ADAMTS17: variants seen among roughly 807,000 people sequenced by gnomAD.
ADAMTS17 encodes A disintegrin and metalloproteinase with thrombospondin motifs 17.
In ADAMTS17, 113 loss-of-function variants were observed where a neutral mutation model predicts 141.5. The ratio of observed to expected loss-of-function variants is 0.80; its 90% confidence interval spans 0.69 to 0.93. The LOEUF (loss-of-function observed/expected upper bound fraction) is 0.93, where lower values mean the gene tolerates loss of function less well. Among genes scored for constraint, ADAMTS17 ranks in the 40% least tolerant of loss-of-function variants. ADAMTS17 has a pLI of 0.00. For synonymous variants in ADAMTS17, 768 were observed against 630.6 expected, an observed-to-expected ratio of 1.22 and a Z score of -3.27; for missense variants, 1,659 against 1,517.9, an observed-to-expected ratio of 1.09 and a Z score of -1.54.
chr15:100,181,816 C>T (rs2040535606), intron 8 of ADAMTS17, among the ~76,000 whole-genome samples: 1 of 152,236 alleles, frequency 6.6e-6, no homozygotes, highest in Non-Finnish European at 1.5e-5. Flanking sequence ...CCCTTAGCCA[C>T]CTCAGCTAGT....
At chr15:100,124,752 G>C (rs1479482365) in intron 12 of ADAMTS17, among the ~76,000 whole-genome samples, 3 of 150,776 alleles carry the variant, frequency 2.0e-5, no homozygotes. Context: ...GTAAGGTAGA[G>C]AGGCTTTGGT....
intron 17 of ADAMTS17, among the ~76,000 whole-genome samples, chr15:100,049,909 A>G (rs2032010162): frequency 6.6e-6 from 1 of 152,240 alleles, no homozygotes; most frequent in African/African-American, 2.4e-5. Context: ...GTGTCCATAG[A>G]ACAGAACCTG....
In ADAMTS17 at chr15:100,116,848, G is replaced by A. The variant is rs145594305; in HGVS notation, c.1887C>T (p.Asp629=). The change falls in exon 13 of 22, where the codon GAC becomes GAT. Residue 629 remains aspartate (D), a splice_region_variant and synonymous_variant. Transcript: ENST00000268070. ...KKGLLTAVVV[D]DKPCELYCSP... ...CAAGGACATGCCATATGCCTTTACCGTCAACCACCACGGCTGTCAGCAGGC... is the reference window on the plus strand; with the variant it reads ...CAAGGACATGCCATATGCCTTTACCATCAACCACCACGGCTGTCAGCAGGC... The A allele has an allele frequency of 4.6e-4, 750 of 1,614,114 alleles. No homozygotes were observed. The highest frequency in any genetic ancestry group is 1.3e-3 in the Middle Eastern group (8 of 6,006).
At chr15:100,001,035 C>T (rs934962622) in intron 18 of ADAMTS17, among the ~76,000 whole-genome samples, 6 of 152,048 alleles carry the variant, frequency 3.9e-5, no homozygotes, top group Non-Finnish European at 5.9e-5. Context: ...GGGCTATGGT[C>T]AAGAAAATAG....
intron 8 of ADAMTS17, among the ~76,000 whole-genome samples, chr15:100,169,840 G>C (rs551730843): frequency 6.6e-6 from 1 of 152,186 alleles, no homozygotes; most frequent in South Asian, 2.1e-4. Context: ...GCTTTGGGGA[G>C]AACAGGTGTT....
At chr15:100,087,103 T>A (rs1484821175) in intron 15 of ADAMTS17, among the ~76,000 whole-genome samples, 1 of 152,018 alleles carries the variant, frequency 6.6e-6, no homozygotes, top group East Asian at 1.9e-4. Context: ...GCAAGACTAA[T>A]AAAGAAGAAA....
intron 18 of ADAMTS17, among the ~76,000 whole-genome samples, chr15:100,001,958 C>T (rs1339887630): frequency 1.7e-5 from 1 of 57,174 alleles, no homozygotes; most frequent in African/African-American, 5.9e-5. Flanking sequence ...GCCTTGGGGA[C>T]AGAGCGAGAC....
intron 18 of ADAMTS17, among the ~76,000 whole-genome samples, chr15:100,040,263 A>G (rs909631285): frequency 6.6e-6 from 1 of 152,212 alleles, no homozygotes; most frequent in Admixed American, 6.5e-5. Context: ...ACAAGCTAGG[A>G]ACCCTTCCAC....
At chr15:100,265,323 A>G (rs8025563) in intron 4 of ADAMTS17, among the ~76,000 whole-genome samples, 2,566 of 152,180 alleles carry the variant, frequency 0.017, 65 homozygotes, top group African/African-American at 0.059. Flanking sequence ...TTTTTTTCCC[A>G]TGGAAACTCA....
chr15:100,155,047 C>G, intron 9 of ADAMTS17, 133 bp downstream of exon 9: 1 of 1,350,028 alleles, frequency 7.4e-7, no homozygotes, highest in East Asian at 2.4e-5. Context: ...CTGCGCTGAC[C>G]GCCTCCTGAG....
At chr15:100,310,428 C>T (rs117404139) in intron 3 of ADAMTS17, among the ~76,000 whole-genome samples, 1,731 of 152,286 alleles carry the variant, frequency 0.011, 19 homozygotes, top group South Asian at 0.022. Context: ...TGGCTCATTC[C>T]CTTCGCAGGG....
At chr15:100,165,894 GTTTT>G in intron 8 of ADAMTS17, among the ~76,000 whole-genome samples, 1 of 150,624 alleles carries the variant, frequency 6.6e-6, no homozygotes, top group South Asian at 2.1e-4. Flanking sequence ...TCTCTTTTTT[GTTTT>G]TTTTTCCAGA....
chr15:100,186,896 G>A (rs941116915), intron 8 of ADAMTS17, among the ~76,000 whole-genome samples: 1 of 152,208 alleles, frequency 6.6e-6, no homozygotes, highest in Non-Finnish European at 1.5e-5. Flanking sequence ...ATCGTAAGTT[G>A]AAATGTATGC....
chr15:100,157,302 C>T (rs2039481590), intron 8 of ADAMTS17, among the ~76,000 whole-genome samples: 3 of 152,108 alleles, frequency 2.0e-5, no homozygotes, highest in South Asian at 4.2e-4. Flanking sequence ...CACCCGTCCT[C>T]AAAGAAGAGG....
chr15:100,285,711 G>T (rs568723236), intron 3 of ADAMTS17, among the ~76,000 whole-genome samples: 2 of 152,316 alleles, frequency 1.3e-5, no homozygotes, highest in African/African-American at 4.8e-5. Context: ...ACGAATGCTT[G>T]AGCCGGCAGG....
chr15:100,247,593 C>A (rs538445291), intron 7 of ADAMTS17, among the ~76,000 whole-genome samples: 1 of 152,266 alleles, frequency 6.6e-6, no homozygotes, highest in South Asian at 2.1e-4. Context: ...CACAGTCAGA[C>A]GGGCCCGTTT....
At chr15:100,060,726 T>C (rs1049098032) in intron 15 of ADAMTS17, among the ~76,000 whole-genome samples, 2 of 152,212 alleles carry the variant, frequency 1.3e-5, no homozygotes, top group Non-Finnish European at 2.9e-5. Context: ...TGTTCTTAGC[T>C]ATGGATACAA....
intron 12 of ADAMTS17, among the ~76,000 whole-genome samples, chr15:100,117,484 G>C (rs1194123224): frequency 6.6e-6 from 1 of 152,150 alleles, no homozygotes; most frequent in Non-Finnish European, 1.5e-5. Flanking sequence ...ATAATGAAAA[G>C]AATAAGAACA....
intron 16 of ADAMTS17, among the ~76,000 whole-genome samples, chr15:100,051,980 G>A (rs528224183): frequency 6.6e-6 from 1 of 152,312 alleles, no homozygotes; most frequent in Non-Finnish European, 1.5e-5. Context: ...ACCCAAGAGA[G>A]AGACCAGCTT....
Sources: gnomAD v4.1 joint callset for allele counts (sites outside exome capture counted in the v4.1 genomes callset) on GRCh38, gnomAD v4.1.1 for gene constraint, MANE v1.5 for transcripts, NCBI Gene and HGNC (gene_info 2026-07-23, HGNC 2026-07-21) for gene names.